Variants in LEKR1 observed in about 807,000 individuals in gnomAD.
The protein encoded by LEKR1 is protein LEKR1.
In LEKR1, 59 loss-of-function variants were observed where a neutral mutation model predicts 72.4. The ratio of observed to expected loss-of-function variants is 0.82; its 90% CI spans 0.66 to 1.01. The LOEUF (loss-of-function observed/expected upper bound fraction) is 1.01. Among genes scored for constraint, LEKR1 ranks in the 50% least tolerant of loss-of-function variants. The pLI, the probability that LEKR1 is intolerant of heterozygous loss-of-function variation, is 0.00. For synonymous variants in LEKR1, 257 were observed against 263.2 expected, an observed-to-expected ratio of 0.98 and a Z score of 0.23; for missense variants, 728 against 759.2, an observed-to-expected ratio of 0.96 and a Z score of 0.48.
In LEKR1 at chr3:156,905,430, G is replaced by A. The variant is rs151168344; in HGVS notation, c.264-15145G>A. Reference sequence around the variant, plus strand: ...CATGTTAATTTTCTAAATAAAAGCAGTATAATACCACTGAAGAGGAAATTA... The same window carrying A: ...CATGTTAATTTTCTAAATAAAAGCAATATAATACCACTGAAGAGGAAATTA... On this transcript the variant is annotated intron_variant, in intron 3 of 12. Coordinates refer to ENST00000356539, the MANE Select transcript of LEKR1 (RefSeq NM_001004316.3). Among the ~76,000 whole-genome samples the A allele has an allele frequency of 8.0e-3, 1,220 of 152,212 alleles. 9 individuals carry two copies. The highest frequency in any genetic ancestry group is 0.012 in the Non-Finnish European group (822 of 68,006).
At chr3:156,922,418 A>G (rs1724290468) in intron 4 of LEKR1, among the ~76,000 whole-genome samples, 1 of 151,588 alleles carries the variant, frequency 6.6e-6, no homozygotes. Context: ...GTGGGATGAA[A>G]AAAAAAAAAG....
intron 7 of LEKR1, among the ~76,000 whole-genome samples, chr3:156,989,978 A>G (rs993538545): frequency 3.3e-5 from 5 of 152,138 alleles, no homozygotes; most frequent in Admixed American, 6.5e-5. Flanking sequence ...TACCATCCAT[A>G]TTTCAATTTT....
intron 9 of LEKR1, among the ~76,000 whole-genome samples, chr3:156,995,399 C>A (rs978105852): frequency 3.3e-5 from 5 of 152,142 alleles, no homozygotes; most frequent in Non-Finnish European, 7.4e-5. Context: ...AACTCCTATT[C>A]TTCTTCTTTT....
chr3:156,829,274 C>G lies in LEKR1; in HGVS notation c.-44-12C>G, dbSNP rs1415918689. On this transcript the variant is annotated splice_polypyrimidine_tract_variant and intron_variant, in intron 1 of 12. Coordinates refer to ENST00000356539, the MANE Select transcript of LEKR1 (RefSeq NM_001004316.3). Reference sequence around the variant, plus strand: ...TTATTTCTGTTCTGACTGTTGCCATCAATGTTCTTAGATTTCCTTTGGCTT... The same window carrying G: ...TTATTTCTGTTCTGACTGTTGCCATGAATGTTCTTAGATTTCCTTTGGCTT... 2.0e-6 allele frequency: 2 copies of G among 988,822 alleles called. No homozygotes were observed. Among genetic ancestry groups the G allele is most frequent in the Non-Finnish European group, 3.1e-6 (2 of 651,456 alleles). The allele number at this position is 988,822 out of a possible 1,614,324, so 61.3% of individuals were successfully genotyped here.
At chr3:156,883,300 A>G (rs1243501938) in intron 3 of LEKR1, among the ~76,000 whole-genome samples, 6 of 152,152 alleles carry the variant, frequency 3.9e-5, no homozygotes, top group East Asian at 1.9e-4. Context: ...CCCCCATTGT[A>G]TCTAGGAAGT....
At chr3:156,988,431 CA>C (rs1036887333) in intron 7 of LEKR1, 19 of 212,600 alleles carry the variant, frequency 8.9e-5, no homozygotes, top group African/African-American at 4.4e-4. Context: ...GCAGCTGAGT[CA>C]TGGCTTTTTC....
intron 3 of LEKR1, among the ~76,000 whole-genome samples, chr3:156,880,590 A>G (rs1257130136): frequency 6.6e-6 from 1 of 152,226 alleles, no homozygotes; most frequent in Admixed American, 6.5e-5. Flanking sequence ...AAGTGGTACC[A>G]TTCCTTCTGA....
In LEKR1 at chr3:156,933,224, G is replaced by A. The variant is rs138504886; in HGVS notation, c.559+5620G>A. Among the ~76,000 whole-genome samples, 941 of 152,020 alleles carry A rather than the reference G, an allele frequency of 6.2e-3. 8 individuals carry two copies. The highest frequency in any genetic ancestry group is 6.1e-3 in the Non-Finnish European group (418 of 67,982). On this transcript the variant is annotated intron_variant, in intron 5 of 12. Coordinates refer to ENST00000356539, the MANE Select transcript of LEKR1 (RefSeq NM_001004316.3). ...ACTTTACATAATTATATTTCATTTC[G>A]TAAATATACTATATATTATGCATCA...
At position 157,045,917 on chromosome 3, in the gene LEKR1, A is replaced by G. The variant is rs1318935397; in HGVS notation, c.*167A>G. ...ACTGTAAAAAGCTGGAAAATTGTGA[A>G]GCCTTATTTTTCAAGAGGGTTTTGA... On this transcript the variant is annotated 3_prime_UTR_variant, in exon 13 of 13. Coordinates refer to ENST00000356539, the MANE Select transcript of LEKR1 (RefSeq NM_001004316.3). The G allele has an allele frequency of 4.7e-6, 3 of 638,522 alleles. No individual in the cohort carries two copies. The Admixed American group carries it at 9.1e-5, about 19-fold the overall frequency. 39.6% of individuals were successfully genotyped at this position (638,522 alleles called of 1,614,324 possible).
chr3:156,939,947 T>C (rs777932490), intron 5 of LEKR1, among the ~76,000 whole-genome samples: 18 of 152,174 alleles, frequency 1.2e-4, no homozygotes, highest in Non-Finnish European at 2.4e-4. Context: ...ATTGATCAAT[T>C]ATTTTATTCA....
At chr3:156,948,671 C>T (rs1426971634) in intron 6 of LEKR1, among the ~76,000 whole-genome samples, 2 of 151,362 alleles carry the variant, frequency 1.3e-5, no homozygotes, top group Admixed American at 1.3e-4. Context: ...TTATATTCCT[C>T]TGGGTATATA....
intron 3 of LEKR1, among the ~76,000 whole-genome samples, chr3:156,884,199 A>G (rs1719810794): frequency 6.6e-6 from 1 of 152,160 alleles, no homozygotes; most frequent in Non-Finnish European, 1.5e-5. Context: ...GACAGCAGAT[A>G]CTTGGTTGGT....
At chr3:157,030,774 G>A (rs578242723) in intron 12 of LEKR1, among the ~76,000 whole-genome samples, 12 of 152,286 alleles carry the variant, frequency 7.9e-5, no homozygotes, top group Admixed American at 2.6e-4. Flanking sequence ...GGCTCAACTA[G>A]GATGGGATTG....
chr3:156,984,965 T>G (rs749436400), intron 7 of LEKR1, among the ~76,000 whole-genome samples: 1 of 151,902 alleles, frequency 6.6e-6, no homozygotes, highest in Non-Finnish European at 1.5e-5. Context: ...GTTCTCCTGA[T>G]TTTCCTCTCA....
chr3:156,874,016 C>T (rs1718276810), intron 3 of LEKR1, among the ~76,000 whole-genome samples: 1 of 151,980 alleles, frequency 6.6e-6, no homozygotes. Flanking sequence ...ATCTTTGAGC[C>T]TCCTGTATCT....
chr3:156,843,025 C>A (rs546679621), intron 2 of LEKR1, among the ~76,000 whole-genome samples: 1 of 152,282 alleles, frequency 6.6e-6, no homozygotes, highest in Admixed American at 6.5e-5. Context: ...TGTTCTCTCT[C>A]CAGGCTGAGC....
chr3:156,941,382 CT>C (rs1374942913), intron 5 of LEKR1, among the ~76,000 whole-genome samples: 1 of 152,026 alleles, frequency 6.6e-6, no homozygotes, highest in Non-Finnish European at 1.5e-5. Context: ...ATCACGATCC[CT>C]TAAAACATGC....
At chr3:156,880,362 C>T (rs1044874767) in intron 3 of LEKR1, among the ~76,000 whole-genome samples, 2 of 152,190 alleles carry the variant, frequency 1.3e-5, no homozygotes, top group African/African-American at 4.8e-5. Context: ...TCAGAGAATA[C>T]TACAAACACC....
chr3:157,000,269 T>C (rs1731904027), intron 9 of LEKR1, among the ~76,000 whole-genome samples: 1 of 152,156 alleles, frequency 6.6e-6, no homozygotes, highest in Non-Finnish European at 1.5e-5. Flanking sequence ...AATTCACAAC[T>C]GCATTCTAAA....
Sources: gnomAD v4.1 joint callset for allele counts (sites outside exome capture counted in the v4.1 genomes callset) on GRCh38, gnomAD v4.1.1 for gene constraint, MANE v1.5 for transcripts, NCBI Gene and HGNC (gene_info 2026-07-23, HGNC 2026-07-21) for gene names.